AGPS: variants seen among roughly 807,000 people sequenced by gnomAD.
AGPS encodes alkyldihydroxyacetonephosphate synthase, peroxisomal.
A neutral mutation model predicts 90.7 loss-of-function variants in AGPS; 26 were observed. The ratio of observed to expected loss-of-function variants is 0.29; its 90% CI spans 0.21 to 0.40. The LOEUF (loss-of-function observed/expected upper bound fraction) is 0.40, where lower values mean the gene tolerates loss of function less well. AGPS is among the 10% of genes least tolerant of loss of function. The probability of loss-of-function intolerance (pLI) is 1.00; values close to 1 mark genes in which losing one functional copy is unlikely to be tolerated. For synonymous variants in AGPS, 294 were observed against 285.3 expected (o/e 1.03, Z -0.31); for missense variants, 540 against 816.1 (o/e 0.66, Z 4.12).
rs1436672626 is a variant in AGPS at position 177,541,784 on chromosome 2, A to G, written c.*3589A>G. 1 of 152,196 alleles carries G rather than the reference A, an allele frequency of 6.6e-6. No homozygotes were observed. The highest frequency in any genetic ancestry group is 1.5e-5 in the Non-Finnish European group (1 of 68,026). The allele number at this position is 152,196 out of a possible 1,614,324, so 9.4% of individuals were successfully genotyped here. A position where few individuals can be genotyped will look rare whatever the true frequency, so the allele number is the denominator to read the frequency against. On this transcript the variant is annotated 3_prime_UTR_variant, in exon 20 of 20. Coordinates refer to ENST00000264167, the MANE Select transcript of AGPS (RefSeq NM_003659.4). ...GTTCCCAAATGAGCCATCTGTCAGT[A>G]TATTCACTTAATTCTTACTAATTTC...
chr2:177,487,702 A>G (rs1262289264), intron 11 of AGPS, among the ~76,000 whole-genome samples: 1 of 152,040 alleles, frequency 6.6e-6, no homozygotes, highest in Admixed American at 6.5e-5. Context: ...TTTTTGTGTC[A>G]TGCGTTTTTT....
intron 2 of AGPS, among the ~76,000 whole-genome samples, chr2:177,424,534 T>C (rs909400677): frequency 6.6e-5 from 10 of 152,184 alleles, no homozygotes; most frequent in African/African-American, 2.4e-4. Context: ...AAATGAAAAT[T>C]ATTTCAAATT....
At chr2:177,496,452 A>G (rs1018485502) in intron 12 of AGPS, among the ~76,000 whole-genome samples, 4 of 152,182 alleles carry the variant, frequency 2.6e-5, no homozygotes, top group Non-Finnish European at 4.4e-5. Flanking sequence ...TTAAAGCGCT[A>G]GTTATACTAG....
At chr2:177,507,018 G>A (rs888064945) in intron 15 of AGPS, among the ~76,000 whole-genome samples, 1 of 151,766 alleles carries the variant, frequency 6.6e-6, no homozygotes, top group Non-Finnish European at 1.5e-5. Context: ...TGAGTCAAAA[G>A]CAAGTTAGGG....
intron 19 of AGPS, among the ~76,000 whole-genome samples, chr2:177,529,157 G>T (rs770388849): frequency 2.0e-5 from 3 of 151,866 alleles, no homozygotes; most frequent in African/African-American, 7.3e-5. Context: ...ACTCCCGGCC[G>T]CATATTATTC....
intron 19 of AGPS, among the ~76,000 whole-genome samples, chr2:177,525,563 G>T (rs2079078095): frequency 2.0e-5 from 3 of 152,112 alleles, no homozygotes. Context: ...TAAATATGGG[G>T]GAGAAGTGAT....
chr2:177,521,241 C>A (rs1689183103), intron 17 of AGPS, 28 bp from the exon 18 acceptor site: 1 of 1,581,006 alleles, frequency 6.3e-7, no homozygotes, highest in African/African-American at 1.3e-5. Context: ...AACTTAAAGC[C>A]CCTGTGGGGA....
intron 1 of AGPS, among the ~76,000 whole-genome samples, chr2:177,415,606 A>G (rs1217816217): frequency 6.6e-6 from 1 of 152,254 alleles, no homozygotes; most frequent in Non-Finnish European, 1.5e-5. Context: ...GTTGAAGTTT[A>G]AAGTGTTGCA....
At chr2:177,488,021 C>T (rs1688145543) in intron 11 of AGPS, among the ~76,000 whole-genome samples, 1 of 152,110 alleles carries the variant, frequency 6.6e-6, no homozygotes, top group Non-Finnish European at 1.5e-5. Context: ...ATCATACGGA[C>T]TCCTAGCTGT....
At chr2:177,464,880 G>A (rs1018021401) in intron 9 of AGPS, among the ~76,000 whole-genome samples, 1 of 152,214 alleles carries the variant, frequency 6.6e-6, no homozygotes, top group African/African-American at 2.4e-5. Flanking sequence ...ACAAAAGAAA[G>A]TAAAGTATGA....
chr2:177,490,846 C>CTT (rs61555724), intron 11 of AGPS, among the ~76,000 whole-genome samples: 32,912 of 57,388 alleles, frequency 0.57, 10,743 homozygotes, highest in Non-Finnish European at 0.64. Flanking sequence ...AAGTTGCAGA[C>CTT]TTTTTTTTTT....
chr2:177,418,139 A>T (rs1266177267), intron 1 of AGPS, among the ~76,000 whole-genome samples: 7 of 152,142 alleles, frequency 4.6e-5, no homozygotes, highest in Admixed American at 3.9e-4. Context: ...CATAAGCCCA[A>T]TTTTATGACT....
chr2:177,508,595 G>T (rs1197604298), intron 16 of AGPS, among the ~76,000 whole-genome samples: 1 of 151,978 alleles, frequency 6.6e-6, no homozygotes, highest in Non-Finnish European at 1.5e-5. Context: ...ATTTTAGAAG[G>T]GTTTCTTTAC....
At chr2:177,519,145 A>C (rs970630528) in intron 17 of AGPS, among the ~76,000 whole-genome samples, 21 of 151,970 alleles carry the variant, frequency 1.4e-4, no homozygotes, top group African/African-American at 5.1e-4. Flanking sequence ...AGTTATTTTC[A>C]GCTCATTTTT....
At chr2:177,505,235 A>G (rs1184954380) in intron 14 of AGPS, among the ~76,000 whole-genome samples, 1 of 152,030 alleles carries the variant, frequency 6.6e-6, no homozygotes, top group East Asian at 1.9e-4. Context: ...GATGAGTAAA[A>G]TAAGAATACT....
intron 16 of AGPS, among the ~76,000 whole-genome samples, chr2:177,512,628 C>T (rs886881679): frequency 1.1e-4 from 17 of 152,142 alleles, no homozygotes; most frequent in Non-Finnish European, 2.1e-4. Flanking sequence ...TTTCTGGTAT[C>T]ATTTCAAGTC....
At chr2:177,442,376 A>C (rs1259007324) in intron 6 of AGPS, 31 bp from the exon 7 acceptor site, 5 of 1,519,992 alleles carry the variant, frequency 3.3e-6, no homozygotes, top group Non-Finnish European at 4.6e-6. Flanking sequence ...GAATATTTAA[A>C]CATAAAAGTT....
At chr2:177,410,613 G>A (rs1257695751) in intron 1 of AGPS, among the ~76,000 whole-genome samples, 1 of 152,186 alleles carries the variant, frequency 6.6e-6, no homozygotes, top group Non-Finnish European at 1.5e-5. Context: ...TAGTGGCTGG[G>A]AGAAGTATTT....
chr2:177,393,639 TGTG>T (rs1185569854), intron 1 of AGPS: 2 of 911,726 alleles, frequency 2.2e-6, no homozygotes, highest in Non-Finnish European at 2.6e-6. Context: ...TGGTTTAAGG[TGTG>T]GTGGTATAGC....
Sources: gnomAD v4.1 joint callset for allele counts (sites outside exome capture counted in the v4.1 genomes callset) on GRCh38, gnomAD v4.1.1 for gene constraint, MANE v1.5 for transcripts, NCBI Gene and HGNC (gene_info 2026-07-23, HGNC 2026-07-21) for gene names.